Variants in FAM107A observed in about 807,000 individuals in gnomAD.
The protein encoded by FAM107A is actin-associated protein FAM107A.
FAM107A carries 19 observed loss-of-function variants against 13.7 expected under a neutral mutation model. The ratio of observed to expected loss-of-function variants is 1.38; its 90% CI spans 0.97 to 2.03. The LOEUF is 2.03. FAM107A is among the 30% of genes most tolerant of loss of function. FAM107A has a pLI of 0.00. For synonymous variants in FAM107A, 82 were observed against 74.5 expected (o/e 1.10, Z -0.52); for missense variants, 203 against 184.4 (o/e 1.10, Z -0.58).
rs2063628973 is a variant in FAM107A, at chr3:58,567,049, GTGAA to G, written c.327+155_327+158del. On this transcript the variant is annotated intron_variant, in intron 3 of 3. Coordinates refer to ENST00000360997, the MANE Select transcript of FAM107A (RefSeq NM_001076778.3). ...CCACTCGCCCTAAGGACCTAGCAAAGTGAATGGCAGAGGGAGGACTCAGGCCAGG... is the reference window on the plus strand; with the variant it reads ...CCACTCGCCCTAAGGACCTAGCAAAGTGGCAGAGGGAGGACTCAGGCCAGG... 5 of 888,692 alleles carry G rather than the reference GTGAA, an allele frequency of 5.6e-6. No individual in the cohort carries two copies. In the East Asian group the frequency reaches 1.3e-4, roughly 23 times the overall value. 55.1% of individuals were successfully genotyped at this position (888,692 alleles called of 1,614,324 possible). A position where few individuals can be genotyped will look rare whatever the true frequency, so the allele number is the denominator to read the frequency against.
At chr3:58,619,824 G>C (rs930211101) in intron 1 of FAM107A, among the ~76,000 whole-genome samples, 2 of 152,236 alleles carry the variant, frequency 1.3e-5, no homozygotes, top group African/African-American at 4.8e-5. Flanking sequence ...ATTTGGCCAG[G>C]AAGTTGTGCA....
chr3:58,592,568 T>G lies in FAM107A; in HGVS notation c.-69-3299A>C, dbSNP rs150855327. ...AATTCCTCGGTTTGGCCTTCCCACC[T>G]CTATACAGTCCGATAACGGACCGGC... On this transcript the variant is annotated intron_variant, in intron 1 of 3. Coordinates refer to the FAM107A transcript ENST00000465970. Among the ~76,000 whole-genome samples the G allele has an allele frequency of 1.9e-3, 286 of 152,300 alleles. 1 individual carries two copies. Among genetic ancestry groups the G allele is most frequent in the African/African-American group, 6.6e-3 (276 of 41,558 alleles).
upstream of FAM107A, among the ~76,000 whole-genome samples, chr3:58,587,746 G>A (rs564915044): frequency 4.6e-5 from 7 of 152,158 alleles, no homozygotes; most frequent in South Asian, 1.2e-3. Context: ...AAGGTGGGAG[G>A]TGCCAGGCTC....
In FAM107A at chr3:58,602,865, G is replaced by T. The variant is rs567377607; in HGVS notation, c.-69-13596C>A. On this transcript the variant is annotated intron_variant, in intron 1 of 3. Transcript: ENST00000465970. ...TAATATATACATGTTTGTGGGTATAGATATGTGTATATACATGTTTGTGGG... is the reference window on the plus strand; with the variant it reads ...TAATATATACATGTTTGTGGGTATATATATGTGTATATACATGTTTGTGGG... Among the ~76,000 whole-genome samples, 11 of 152,192 alleles carry T rather than the reference G, an allele frequency of 7.2e-5. No individual in the cohort carries two copies. The East Asian group carries it at 1.3e-3, about 19-fold the overall frequency.
At chr3:58,597,661 A>G (rs927110470) in intron 1 of FAM107A, among the ~76,000 whole-genome samples, 1 of 152,258 alleles carries the variant, frequency 6.6e-6, no homozygotes, top group Non-Finnish European at 1.5e-5. Flanking sequence ...GCAAACAGCT[A>G]TCGAGCACAT....
chr3:58,574,228 G>A (rs1160303190), intron 1 of FAM107A: 1 of 152,142 alleles, frequency 6.6e-6, no homozygotes, highest in Non-Finnish European at 1.5e-5. Flanking sequence ...AAACCACACT[G>A]GTTAAATCAG....
intron 1 of FAM107A, among the ~76,000 whole-genome samples, chr3:58,593,436 C>T (rs962530236): frequency 6.6e-6 from 1 of 152,212 alleles, no homozygotes; most frequent in African/African-American, 2.4e-5. Flanking sequence ...CTTGTTTACA[C>T]TGCCGGTTTA....
upstream of FAM107A, among the ~76,000 whole-genome samples, chr3:58,591,288 C>G (rs1416148959): frequency 6.6e-6 from 1 of 152,112 alleles, no homozygotes; most frequent in Non-Finnish European, 1.5e-5. This position sits in a 1 kb window ranked among gnomAD's most constrained non-coding sequence, Gnocchi z 4.3. Context: ...AGACAGGTCT[C>G]AATGGGAAGA....
rs187369992 is a variant in FAM107A at position 58,604,512 on chromosome 3, G to T, written c.-69-15243C>A. Reference sequence around the variant, plus strand: ...GAGGGACTCGCACAGTGAGTTAGTGGCAGGGTCATAACTTGTTTCTCTCAT... The same window carrying T: ...GAGGGACTCGCACAGTGAGTTAGTGTCAGGGTCATAACTTGTTTCTCTCAT... On this transcript the variant is annotated intron_variant, in intron 1 of 3. Coordinates refer to the FAM107A transcript ENST00000465970. This position sits in a 1 kb window ranked among gnomAD's most constrained non-coding sequence, Gnocchi z 4.1. Among the ~76,000 whole-genome samples, 11 of 152,236 alleles carry T rather than the reference G, an allele frequency of 7.2e-5. No individual in the cohort carries two copies. Among genetic ancestry groups the T allele is most frequent in the Non-Finnish European group, 5.9e-5 (4 of 68,022 alleles).
chr3:58,590,027 C>G (rs1272480026), upstream of FAM107A, among the ~76,000 whole-genome samples: 3 of 152,240 alleles, frequency 2.0e-5, no homozygotes, highest in South Asian at 4.1e-4. Flanking sequence ...CTTCTCTTCT[C>G]TCTTTACACT....
At position 58,613,767 on chromosome 3, in the gene FAM107A, C is replaced by T. The variant is rs773048393; in HGVS notation, c.-70+13649G>A. 6.6e-6 allele frequency among the ~76,000 whole-genome samples: 1 copy of T among 152,212 alleles called. No homozygotes were observed. The highest frequency in any genetic ancestry group is 1.5e-5 in the Non-Finnish European group (1 of 68,040). On this transcript the variant is annotated intron_variant, in intron 1 of 3. Transcript: ENST00000465970. The surrounding 1 kb of genome is among the most constrained non-coding windows in gnomAD (Gnocchi z 4.6). Reference sequence around the variant, plus strand: ...AGGCTCAACCCTCCCAAGTGCTCAGCTTACCACAGCTGCCAAGTCCTTGCC... The same window carrying T: ...AGGCTCAACCCTCCCAAGTGCTCAGTTTACCACAGCTGCCAAGTCCTTGCC...
chr3:58,577,372 G>T lies in FAM107A; in HGVS notation c.-69C>A. On this transcript the variant is annotated 5_prime_UTR_variant, in exon 1 of 4. Coordinates refer to ENST00000360997, the MANE Select transcript of FAM107A (RefSeq NM_001076778.3). This position sits in a 1 kb window ranked among gnomAD's most constrained non-coding sequence, Gnocchi z 4.9. Reference sequence around the variant, plus strand: ...TGTTGCTGGGTTCCTCACTCCACCGGGAAGTCCCAGACTAGCAAGGAGGGC... The same window carrying T: ...TGTTGCTGGGTTCCTCACTCCACCGTGAAGTCCCAGACTAGCAAGGAGGGC... The T allele has an allele frequency of 1.0e-6, 1 of 985,426 alleles. No individual in the cohort carries two copies. Among genetic ancestry groups the T allele is most frequent in the African/African-American group, 1.7e-5 (1 of 57,348 alleles). 61.0% of individuals were successfully genotyped at this position (985,426 alleles called of 1,614,324 possible).
At chr3:58,568,791 G>C (rs1202846233) in intron 2 of FAM107A, among the ~76,000 whole-genome samples, 2 of 152,188 alleles carry the variant, frequency 1.3e-5, no homozygotes, top group African/African-American at 2.4e-5. Context: ...CTGCGTTCAC[G>C]CTGTTACTGG....
intron 1 of FAM107A, among the ~76,000 whole-genome samples, chr3:58,605,194 A>G (rs1475771574): frequency 6.6e-6 from 1 of 152,138 alleles, no homozygotes; most frequent in East Asian, 1.9e-4. Context: ...CTTGATGTCT[A>G]GGATGAAGGT....
Position 58,566,669 on chromosome 3 carries a change from C to T in FAM107A, c.354G>A (p.Glu118=), listed in dbSNP as rs769951370. 1.1e-5 allele frequency: 18 copies of T among 1,613,840 alleles called. No homozygotes were observed. In the East Asian group the frequency reaches 3.1e-4, roughly 28 times the overall value. Residue 118 remains glutamate, a synonymous_variant, in exon 4 of 4, where the codon GAG becomes GAA. Transcript: ENST00000360997. ...NQLEKPPEKE[E]DHAPEFIKVR... ...CTTTAATAAACTCGGGGGCGTGATC[C>T]TCTTCCTTCTCTGGTGGTTTTTCCA...
At chr3:58,584,241 G>T (rs2065579703) in intron 1 of FAM107A, among the ~76,000 whole-genome samples, 1 of 152,112 alleles carries the variant, frequency 6.6e-6, no homozygotes, top group Non-Finnish European at 1.5e-5. Context: ...TTCCAATAGG[G>T]GTTTCCATTA....
At chr3:58,575,698 C>T (rs896080688) in intron 1 of FAM107A, among the ~76,000 whole-genome samples, 14 of 152,188 alleles carry the variant, frequency 9.2e-5, no homozygotes, top group Non-Finnish European at 1.9e-4. Context: ...CTGTGTGAGC[C>T]CATTTTATAG....
chr3:58,577,772 G>A, upstream of FAM107A: 2 of 980,942 alleles, frequency 2.0e-6, no homozygotes, highest in Non-Finnish European at 2.4e-6. This position sits in a 1 kb window ranked among gnomAD's most constrained non-coding sequence, Gnocchi z 4.9. Flanking sequence ...CAGTGGTGTG[G>A]ATTCTTCAGG....
In FAM107A at chr3:58,566,584, G is replaced by A. The variant is rs756028071; in HGVS notation, c.*4C>T. 1.9e-6 allele frequency: 3 copies of A among 1,609,156 alleles called. No individual in the cohort carries two copies. The highest frequency in any genetic ancestry group is 1.7e-5 in the Admixed American group (1 of 60,010). Reference sequence around the variant, plus strand: ...GGGCAGTGGCCTGAGCCCGGCAGCTGGCCCTACAGCTCTCTCTCTTCGCTG... The same window carrying A: ...GGGCAGTGGCCTGAGCCCGGCAGCTAGCCCTACAGCTCTCTCTCTTCGCTG... On this transcript the variant is annotated 3_prime_UTR_variant, in exon 4 of 4. Transcript: ENST00000360997.
Sources: allele counts gnomAD v4.1 joint callset (sites outside exome capture counted in the v4.1 genomes callset), GRCh38; gene constraint gnomAD v4.1.1; non-coding constraint Gnocchi (gnomAD v3.1); transcripts MANE v1.5; gene names NCBI Gene and HGNC (gene_info 2026-07-23, HGNC 2026-07-21).